SCN9A: variants seen among roughly 807,000 people sequenced by gnomAD.
SCN9A encodes the protein sodium voltage-gated channel alpha subunit 9, also known as sodium channel protein type 9 subunit alpha.
A neutral mutation model predicts 187.0 loss-of-function variants in SCN9A; 131 were observed. The observed-to-expected ratio is 0.70, with a 90% confidence interval of 0.61 to 0.81. The LOEUF (loss-of-function observed/expected upper bound fraction) is 0.81. Ranked by LOEUF, SCN9A falls within the 30% of genes least tolerant of loss-of-function variation. The pLI is 0.00. For missense variants in SCN9A, 2,252 were observed against 2,396.6 expected (o/e 0.94, Z 1.26); for synonymous variants, 809 against 808.6 (o/e 1.00, Z -0.01).
intron 20 of SCN9A, among the ~76,000 whole-genome samples, chr2:166,234,617 A>T (rs528466264): frequency 1.0e-3 from 157 of 151,704 alleles, no homozygotes; most frequent in Non-Finnish European, 1.7e-3. Flanking sequence ...TTTTTTTTTT[A>T]AATTCCTAAA....
intron 1 of SCN9A, among the ~76,000 whole-genome samples, chr2:166,365,962 T>C (rs953598231): frequency 1.3e-5 from 2 of 152,120 alleles, no homozygotes; most frequent in African/African-American, 4.8e-5. Context: ...AAAGAAGGAA[T>C]TGCTTTTAAA....
At chr2:166,340,597 TCTTTCTTTTTCTTTCTTTCTTTC>T (rs879629149) in intron 1 of SCN9A, among the ~76,000 whole-genome samples, 22,197 of 119,616 alleles carry the variant, frequency 0.19, 2,612 homozygotes, top group African/African-American at 0.34. Flanking sequence ...TTTCTTTCTT[TCTTTCTTTTTCTTTCTTTCTTTC>T]CTTTCTCTTC....
At chr2:166,355,299 A>G (rs986569220) in intron 1 of SCN9A, among the ~76,000 whole-genome samples, 2 of 152,082 alleles carry the variant, frequency 1.3e-5, no homozygotes, top group Non-Finnish European at 2.9e-5. Context: ...ATAAAAATGT[A>G]TATCATTTTT....
rs140747229 is a variant in SCN9A at position 166,256,572 on chromosome 2, C to A, written c.3352-4687G>T. ...GTTTATTAACTAGTTGCAATAAATT[C>A]TGGGCTCACATTCTAATTATGGGCA... On this transcript the variant is annotated intron_variant, in intron 17 of 26. Coordinates refer to ENST00000642356, the MANE Select transcript of SCN9A (RefSeq NM_001365536.1). 7.4e-3 allele frequency among the ~76,000 whole-genome samples: 1,115 copies of A among 151,444 alleles called. 13 individuals are homozygous for A. The highest frequency in any genetic ancestry group is 0.053 in the South Asian group (255 of 4,818).
At chr2:166,357,903 CTCCT>C (rs1700187837) in intron 1 of SCN9A, among the ~76,000 whole-genome samples, 2 of 152,106 alleles carry the variant, frequency 1.3e-5, no homozygotes, top group Non-Finnish European at 2.9e-5. Flanking sequence ...ATATTGGTAA[CTCCT>C]TCATAAAGGC....
chr2:166,260,875 C>T (rs1167904573), intron 17 of SCN9A, among the ~76,000 whole-genome samples: 1 of 151,700 alleles, frequency 6.6e-6, no homozygotes, highest in Non-Finnish European at 1.5e-5. Context: ...TTATATTTTA[C>T]TTATGCCTTT....
At position 166,336,076 on chromosome 2, in the gene SCN9A, A is replaced by G. The variant is rs114760918; in HGVS notation, c.-50-24270T>C. Among the ~76,000 whole-genome samples the G allele has an allele frequency of 8.6e-3, 1,301 of 152,158 alleles. 23 individuals carry two copies. Among genetic ancestry groups the G allele is most frequent in the African/African-American group, 0.029 (1,185 of 41,532 alleles). On this transcript the variant is annotated intron_variant, in intron 1 of 26. Transcript: ENST00000642356. The stretch of plus-strand genomic sequence containing the variant: ...AACTTGAGCATCTCCAGATTTCAGT[A>G]TCTCATGAGGTCCTAGAACCAATCC...
At chr2:166,236,744 C>T (rs1695335823) in intron 20 of SCN9A, among the ~76,000 whole-genome samples, 1 of 152,068 alleles carries the variant, frequency 6.6e-6, no homozygotes, top group Non-Finnish European at 1.5e-5. Context: ...GTTTATGAAG[C>T]TTTGAATAAC....
In SCN9A at chr2:166,371,712, G is replaced by A. The variant is rs536168659; in HGVS notation, c.-51+3985C>T. Among the ~76,000 whole-genome samples the A allele has an allele frequency of 2.4e-4, 36 of 152,258 alleles. No individual in the cohort carries two copies. The South Asian group carries it at 7.5e-3, about 32-fold the overall frequency. ...CTAACTCTACACAGTTCTAAAGGAA[G>A]ATGTCATAATACTTCTGTAAAGAAT... is the stretch of plus-strand genomic sequence containing the variant. On this transcript the variant is annotated intron_variant, in intron 1 of 26. Transcript: ENST00000642356.
intron 9 of SCN9A, among the ~76,000 whole-genome samples, chr2:166,290,362 G>A (rs1290163074): frequency 6.6e-6 from 1 of 152,062 alleles, no homozygotes; most frequent in Non-Finnish European, 1.5e-5. Context: ...ATTGTAAATA[G>A]TACTGCAATA....
chr2:166,370,235 AATC>A (rs58078583), intron 1 of SCN9A, among the ~76,000 whole-genome samples: 1 of 137,182 alleles, frequency 7.3e-6, no homozygotes, highest in African/African-American at 2.8e-5. Flanking sequence ...TAATAATAAT[AATC>A]ATCATCATCA....
intron 24 of SCN9A, among the ~76,000 whole-genome samples, chr2:166,210,838 T>A: frequency 6.6e-6 from 1 of 152,044 alleles, no homozygotes; most frequent in South Asian, 2.1e-4. Context: ...CGGGAGTGGA[T>A]CACCTGAGGT....
chr2:166,244,637 C>A (rs1045156698), intron 18 of SCN9A, among the ~76,000 whole-genome samples: 14 of 151,892 alleles, frequency 9.2e-5, no homozygotes, highest in African/African-American at 3.4e-4. Flanking sequence ...CTGGATTATT[C>A]TCTCTGGACA....
intron 1 of SCN9A, among the ~76,000 whole-genome samples, chr2:166,317,137 A>G (rs1387387832): frequency 9.6e-6 from 1 of 103,948 alleles, no homozygotes; most frequent in African/African-American, 4.2e-5. Flanking sequence ...TAGTTAAGAG[A>G]TTATGGATTA....
chr2:166,230,798 A>G (rs895311529), intron 21 of SCN9A, among the ~76,000 whole-genome samples: 1 of 152,098 alleles, frequency 6.6e-6, no homozygotes, highest in Non-Finnish European at 1.5e-5. Flanking sequence ...AACACCTGAC[A>G]CATAGTTGGT....
In SCN9A at chr2:166,289,070, A is replaced by C. The variant is rs146555764; in HGVS notation, c.1108-427T>G. ...ATGTTAACACTAGGCAGATGGTCTT[A>C]TTTAATTACTTTATTCATCTCATAG... On this transcript the variant is annotated intron_variant, in intron 9 of 26. Coordinates refer to ENST00000642356, the MANE Select transcript of SCN9A (RefSeq NM_001365536.1). Among the ~76,000 whole-genome samples the C allele has an allele frequency of 5.0e-4, 76 of 152,092 alleles. 1 individual carries two copies. The highest frequency in any genetic ancestry group is 1.8e-3 in the African/African-American group (73 of 41,502).
At chr2:166,324,135 AT>A (rs1212326688) in intron 1 of SCN9A, among the ~76,000 whole-genome samples, 2 of 151,788 alleles carry the variant, frequency 1.3e-5, no homozygotes, top group Non-Finnish European at 2.9e-5. Flanking sequence ...TTTCGATAAA[AT>A]TACAACAATT....
At position 166,228,708 on chromosome 2, in the gene SCN9A, G is replaced by T. The variant is rs199800370; in HGVS notation, c.4189C>A (p.Leu1397Ile). The T allele has an allele frequency of 8.7e-6, 14 of 1,612,088 alleles. No homozygotes were observed. Among genetic ancestry groups the T allele is most frequent in the Non-Finnish European group, 1.2e-5 (14 of 1,178,680 alleles). ...VNFDNVGLGY[L>I]SLLQVATFKG... ...ACACTTACAACTTGAAGCAGAGATA[G>T]GTAACCAAGTCCGACATTATCAAAG... The change falls in exon 22 of 27, where the codon CTA becomes ATA. Residue 1397 changes from leucine to isoleucine, a missense_variant. Transcript: ENST00000642356.
chr2:166,247,933 CA>C (rs1474899333), intron 18 of SCN9A, among the ~76,000 whole-genome samples: 1 of 151,944 alleles, frequency 6.6e-6, no homozygotes, highest in African/African-American at 2.4e-5. Flanking sequence ...TATACGGAAG[CA>C]GTCTGAAGTC....
Sources: allele counts gnomAD v4.1 joint callset (sites outside exome capture counted in the v4.1 genomes callset), GRCh38; gene constraint gnomAD v4.1.1; transcripts MANE v1.5; gene names NCBI Gene and HGNC (gene_info 2026-07-23, HGNC 2026-07-21).